The following TTC14 variants were observed in gnomAD, a reference collection of about 807,000 sequenced individuals.
TTC14 encodes tetratricopeptide repeat protein 14.
A neutral mutation model predicts 79.9 loss-of-function variants in TTC14; 63 were observed. That is an observed-to-expected ratio of 0.79 (90% CI 0.64 to 0.97). TTC14 has a LOEUF of 0.97. Among genes scored for constraint, TTC14 ranks in the 50% least tolerant of loss-of-function variants. The pLI is 0.00. For missense variants in TTC14, 895 were observed against 894.0 expected (o/e 1.00, Z -0.01); for synonymous variants, 335 against 309.6 (o/e 1.08, Z -0.86).
At chr3:180,609,399 C>T in intron 11 of TTC14, 1 of 1,207,090 alleles carries the variant, frequency 8.3e-7, no homozygotes, top group Non-Finnish European at 1.0e-6. Context: ...TGAAAAAAGT[C>T]TGTCTTTCAG....
intron 8 of TTC14, 44 bp downstream of exon 8, chr3:180,606,416 A>G: frequency 6.2e-7 from 1 of 1,613,308 alleles, no homozygotes; most frequent in Non-Finnish European, 8.5e-7. Flanking sequence ...TTACCAGGTA[A>G]ATGCGAACAA....
At chr3:180,608,942 T>C (rs907057702) in intron 11 of TTC14, 132 bp downstream of exon 11, 2 of 1,231,438 alleles carry the variant, frequency 1.6e-6, no homozygotes, top group Non-Finnish European at 2.0e-6. Context: ...TAAGAATCTT[T>C]AGCAAATATG....
chr3:180,605,880 AAAGCTTAGGGCAAG>A (rs1479862429), intron 7 of TTC14, 43 bp downstream of exon 7: 1 of 1,554,056 alleles, frequency 6.4e-7, no homozygotes, highest in African/African-American at 1.4e-5. Context: ...ATCTAGTCTA[AAAGCTTAGGGCAAG>A]GCAAGCATGC....
downstream of TTC14, chr3:180,614,625 AAAT>A (rs1253744610): frequency 3.7e-6 from 1 of 269,650 alleles, no homozygotes; most frequent in African/African-American, 2.3e-5. Flanking sequence ...TAGTTTCGTG[AAAT>A]AATGAAGCAA....
chr3:180,612,412 T>C (rs1321397897), downstream of TTC14, among the ~76,000 whole-genome samples: 1 of 152,188 alleles, frequency 6.6e-6, no homozygotes, highest in Non-Finnish European at 1.5e-5. Flanking sequence ...TATCATCCCT[T>C]ACCCCCCTGC....
chr3:180,610,006 AG>A lies in TTC14; in HGVS notation c.1779del (p.Arg593SerfsTer59). 11 of 1,614,106 alleles carry A rather than the reference AG, an allele frequency of 6.8e-6. No homozygotes were observed. Among genetic ancestry groups the A allele is most frequent in the Non-Finnish European group, 8.5e-6 (10 of 1,179,958 alleles). On this transcript the variant is annotated frameshift_variant, in exon 12 of 12. Transcript: ENST00000296015. LOFTEE classifies it high-confidence loss of function. ...TGAAATACCGGATGATTTTGGAGGT[AG>A]GTCTGAAGATCCAAGAGATTTTTAT... ...SLEIPDDFGG[R>X]SEDPRDFYNS... is the part of the protein sequence containing the mutation.
rs750885878 is a variant in TTC14, at chr3:180,603,355, G to T, written c.486+32G>T. 8 of 1,586,110 alleles carry T rather than the reference G, an allele frequency of 5.0e-6. No individual in the cohort carries two copies. The Admixed American group carries it at 1.3e-4, about 26-fold the overall frequency. On this transcript the variant is annotated intron_variant, in intron 3 of 11. Coordinates refer to ENST00000296015, the MANE Select transcript of TTC14 (RefSeq NM_133462.4). Reference sequence around the variant, plus strand: ...TATTTTTGTTACTTGGATTGCTTCTGTTTTTGTTAACGCATCTCAATGCAA... The same window carrying T: ...TATTTTTGTTACTTGGATTGCTTCTTTTTTTGTTAACGCATCTCAATGCAA...
intron 2 of TTC14, 54 bp downstream of exon 2, chr3:180,603,069 G>T (rs1716462590): frequency 2.5e-6 from 4 of 1,610,784 alleles, no homozygotes; most frequent in Middle Eastern, 1.7e-4. Context: ...CAGTACTTCA[G>T]GTGAAACGGA....
chr3:180,609,498 C>A (rs1042691756), intron 11 of TTC14, 132 bp from the exon 12 acceptor site: 2 of 1,331,982 alleles, frequency 1.5e-6, no homozygotes, highest in East Asian at 2.8e-5. Flanking sequence ...TTGTAGTAGC[C>A]GAGATTATTG....
chr3:180,612,072 G>A (rs969089653), downstream of TTC14, among the ~76,000 whole-genome samples: 1 of 152,054 alleles, frequency 6.6e-6, no homozygotes, highest in Non-Finnish European at 1.5e-5. Flanking sequence ...TTTGCACCAA[G>A]AAGAAGCTTC....
rs73883899 is a variant in TTC14, at chr3:180,610,237, A to C, written c.2008A>C (p.Thr670Pro). 1 of 1,614,012 alleles carries C rather than the reference A, an allele frequency of 6.2e-7. No individual in the cohort carries two copies. The highest frequency in any genetic ancestry group is 1.7e-5 in the Admixed American group (1 of 59,998). Reference protein sequence around the residue: ...RWEPGSVRHSTSPASSEYSWK... With the variant: ...RWEPGSVRHSPSPASSEYSWK... ...GGAACCAGGTTCTGTGAGGCATTCT[A>C]CCTCACCAGCAAGCTCAGAATACTC... Residue 670 changes from threonine (T) to proline (P), a missense_variant, in exon 12 of 12, where the codon ACC (threonine) becomes CCC (proline). Coordinates refer to ENST00000296015, the MANE Select transcript of TTC14 (RefSeq NM_133462.4).
chr3:180,602,842 G>A, intron 1 of TTC14, 49 bp from the exon 2 acceptor site: 1 of 1,569,674 alleles, frequency 6.4e-7, no homozygotes, highest in South Asian at 1.2e-5. Flanking sequence ...TAGAAGTAAA[G>A]AGGCTTTGCA....
At chr3:180,615,542 TTAAA>T, downstream of TTC14, among the ~76,000 whole-genome samples, 1 of 152,288 alleles carries the variant, frequency 6.6e-6, no homozygotes, top group Non-Finnish European at 1.5e-5. Flanking sequence ...GAAAAAAGTT[TTAAA>T]TATATATTTT....
downstream of TTC14, among the ~76,000 whole-genome samples, chr3:180,611,668 G>A (rs886529543): frequency 6.6e-6 from 1 of 152,198 alleles, no homozygotes; most frequent in Non-Finnish European, 1.5e-5. Flanking sequence ...GAGACAGATA[G>A]AGATAGGAGT....
At chr3:180,608,175 T>C in intron 10 of TTC14, 1 of 999,306 alleles carries the variant, frequency 1.0e-6, no homozygotes. Flanking sequence ...TGCTGCTGTG[T>C]CTGTGACATC....
chr3:180,606,332 G>C lies in TTC14; in HGVS notation c.1009G>C (p.Asp337His), dbSNP rs1560073064. 2 of 1,614,072 alleles carry C rather than the reference G, an allele frequency of 1.2e-6. No individual in the cohort carries two copies. The highest frequency in any genetic ancestry group is 1.7e-6 in the Non-Finnish European group (2 of 1,179,960). Residue 337 changes from aspartate to histidine, a missense_variant, in exon 8 of 12, where the codon GAC becomes CAC. Coordinates refer to ENST00000296015, the MANE Select transcript of TTC14 (RefSeq NM_133462.4). ...TGAATACAATAAAGCTTTGGAAATA[G>C]ACAAACAAAACGTGGAAGCTTTGGT... The part of the protein sequence containing the change: ...MNEYNKALEI[D>H]KQNVEALVAR...
intron 11 of TTC14, chr3:180,609,082 A>T: frequency 1.1e-6 from 1 of 901,860 alleles, no homozygotes. Flanking sequence ...AATATTTTAG[A>T]ACTAGAGCAG....
rs946671809 is a variant in TTC14, at chr3:180,617,720, AAG to A, written c.*156_*157del. ...GTGCTTAAGCTAAATGTCATCACAA[AAG>A]AGTAAAAAAATTTTACAAAATTAAA... On this transcript the variant is annotated 3_prime_UTR_variant, in exon 13 of 13. Transcript: ENST00000382584. 7.8e-4 allele frequency: 300 copies of A among 384,286 alleles called. 2 individuals are homozygous for A. In the Middle Eastern group the frequency reaches 8.7e-3, roughly 11 times the overall value. The allele number at this position is 384,286 out of a possible 1,614,324, so 23.8% of individuals were successfully genotyped here.
chr3:180,603,480 T>C, intron 3 of TTC14, 157 bp downstream of exon 3: 1 of 678,056 alleles, frequency 1.5e-6, no homozygotes, highest in South Asian at 1.9e-5. Flanking sequence ...AAAATTAGTG[T>C]AAGTTACCCA....
Sources: allele counts gnomAD v4.1 joint callset (sites outside exome capture counted in the v4.1 genomes callset), GRCh38; gene constraint gnomAD v4.1.1; transcripts MANE v1.5; gene names NCBI Gene and HGNC (gene_info 2026-07-23, HGNC 2026-07-21).